The following LRRC49 variants were observed in gnomAD, a reference collection of about 807,000 sequenced individuals.
LRRC49 encodes leucine-rich repeat-containing protein 49.
A neutral mutation model predicts 83.3 loss-of-function variants in LRRC49; 50 were observed. The observed-to-expected ratio is 0.60, with a 90% CI of 0.48 to 0.76. The LOEUF (loss-of-function observed/expected upper bound fraction) is 0.76. Ranked by LOEUF, LRRC49 falls within the 30% of genes least tolerant of loss-of-function variation. The pLI is 0.00. For missense variants in LRRC49, 704 were observed against 809.1 expected (o/e 0.87, Z 1.58); for synonymous variants, 286 against 283.3 (o/e 1.01, Z -0.10).
At chr15:70,990,134 G>C (rs924471298) in intron 11 of LRRC49, among the ~76,000 whole-genome samples, 1 of 152,176 alleles carries the variant, frequency 6.6e-6, no homozygotes, top group Non-Finnish European at 1.5e-5. Flanking sequence ...CTCCAGCTGC[G>C]TGCTGGGAGA....
chr15:70,855,205 C>G (rs568147620), intron 1 of LRRC49, among the ~76,000 whole-genome samples: 1 of 152,018 alleles, frequency 6.6e-6, no homozygotes, highest in East Asian at 1.9e-4. Flanking sequence ...CGTGGTGGCA[C>G]GTGCCTGTAA....
chr15:70,981,789 C>T (rs1450629930), intron 10 of LRRC49, among the ~76,000 whole-genome samples: 2 of 152,016 alleles, frequency 1.3e-5, no homozygotes, highest in African/African-American at 2.4e-5. Flanking sequence ...ACATAATTGT[C>T]GCTGATATCC....
intron 14 of LRRC49, among the ~76,000 whole-genome samples, chr15:71,016,012 T>A (rs961031050): frequency 2.0e-4 from 30 of 152,292 alleles, no homozygotes; most frequent in African/African-American, 7.0e-4. Flanking sequence ...AGAACAATTG[T>A]ATAGTATGCT....
intron 7 of LRRC49, among the ~76,000 whole-genome samples, chr15:70,932,176 T>C (rs2035432139): frequency 6.6e-6 from 1 of 152,190 alleles, no homozygotes; most frequent in African/African-American, 2.4e-5. Flanking sequence ...AGTAAACAAG[T>C]ACAAAAACCA....
chr15:70,856,637 G>C (rs569572207), intron 1 of LRRC49, among the ~76,000 whole-genome samples: 1 of 152,198 alleles, frequency 6.6e-6, no homozygotes, highest in African/African-American at 2.4e-5. Context: ...TTAGAATAAT[G>C]CCTAGAGGAG....
chr15:70,963,857 T>C lies in LRRC49; in HGVS notation c.846T>C (p.Ala282=), dbSNP rs1178725334. The part of the protein sequence containing the change: ...SDITFDGNPI[A]QESWYKHTVL... ...TCACCTTTGATGGCAATCCCATAGC[T>C]CAAGAGTCATGGTACAAACACACTG... The change falls in exon 9 of 16, where the codon GCT becomes GCC. Residue 282 remains alanine (A), a synonymous_variant. Coordinates refer to ENST00000260382, the MANE Select transcript of LRRC49 (RefSeq NM_017691.5). 1 of 1,613,638 alleles carries C rather than the reference T, an allele frequency of 6.2e-7. No homozygotes were observed. Among genetic ancestry groups the C allele is most frequent in the Non-Finnish European group, 8.5e-7 (1 of 1,179,652 alleles).
chr15:70,942,033 A>ATTTGTG lies in LRRC49; in HGVS notation c.773+5212_773+5213insTTGTGT, dbSNP rs1340541101. ...CTCCATTTTTATTACTGTAAAGGTT[A>ATTTGTG]TGTGTGTGTGTGTGTGTGTGTGTGT... On this transcript the variant is annotated intron_variant, in intron 8 of 15. Coordinates refer to ENST00000260382, the MANE Select transcript of LRRC49 (RefSeq NM_017691.5). 1.8e-3 allele frequency among the ~76,000 whole-genome samples: 257 copies of ATTTGTG among 144,186 alleles called. 1 individual carries two copies. Among genetic ancestry groups the ATTTGTG allele is most frequent in the African/African-American group, 6.4e-3 (250 of 38,780 alleles). 94.6% of individuals were successfully genotyped at this position (144,186 alleles called of 152,430 possible).
chr15:70,892,052 C>G, upstream of LRRC49: 1 of 1,613,682 alleles, frequency 6.2e-7, no homozygotes, highest in Non-Finnish European at 8.5e-7. Context: ...CTGGGAGAAG[C>G]GCAGGTTCTT....
At chr15:70,893,497 T>A (rs1395287148) in intron 1 of LRRC49, 87 bp from the exon 2 acceptor site, 11 of 775,712 alleles carry the variant, frequency 1.4e-5, no homozygotes, top group Non-Finnish European at 2.0e-5. Flanking sequence ...ATTTTTTTGT[T>A]GTATTTCTGT....
chr15:71,018,062 G>C (rs937372060), intron 14 of LRRC49, among the ~76,000 whole-genome samples: 3 of 152,096 alleles, frequency 2.0e-5, no homozygotes, highest in South Asian at 2.1e-4. Context: ...AGGAGGAGGA[G>C]GAGGGGGAGA....
At chr15:70,988,389 A>T (rs1390498515) in intron 11 of LRRC49, among the ~76,000 whole-genome samples, 6 of 148,176 alleles carry the variant, frequency 4.0e-5, no homozygotes, top group African/African-American at 1.5e-4. Flanking sequence ...ACCATTATGT[A>T]ATGGCCTTCT....
intron 14 of LRRC49, among the ~76,000 whole-genome samples, chr15:71,020,654 ATAAT>A (rs1252136159): frequency 1.3e-5 from 2 of 152,206 alleles, no homozygotes; most frequent in African/African-American, 4.8e-5. Context: ...AGAAGATAGG[ATAAT>A]GAATGATATG....
At chr15:70,865,739 T>C (rs1288511620) in intron 1 of LRRC49, among the ~76,000 whole-genome samples, 1 of 152,212 alleles carries the variant, frequency 6.6e-6, no homozygotes, top group Non-Finnish European at 1.5e-5. Flanking sequence ...CCTACCTGTC[T>C]GGTTTTTTGA....
chr15:70,879,254 A>C (rs972076023), intron 2 of LRRC49, among the ~76,000 whole-genome samples: 2 of 152,022 alleles, frequency 1.3e-5, no homozygotes, highest in Admixed American at 6.5e-5. Flanking sequence ...TCTCTTCATT[A>C]TGACTACATT....
At chr15:71,031,726 A>G (rs1002378875) in intron 14 of LRRC49, among the ~76,000 whole-genome samples, 14 of 152,148 alleles carry the variant, frequency 9.2e-5, no homozygotes, top group Admixed American at 9.2e-4. Flanking sequence ...GGAGGAATCT[A>G]GAGAAGCAGT....
intron 14 of LRRC49, among the ~76,000 whole-genome samples, chr15:71,029,034 C>T (rs551001994): frequency 4.1e-4 from 62 of 151,998 alleles, no homozygotes; most frequent in South Asian, 2.1e-3. Context: ...TTAATTGTAA[C>T]GTTAGGGTGT....
At chr15:70,959,590 GAA>G (rs1212116245) in intron 8 of LRRC49, among the ~76,000 whole-genome samples, 66 of 136,106 alleles carry the variant, frequency 4.8e-4, no homozygotes, top group African/African-American at 9.6e-4. Flanking sequence ...AGGAAGGAAG[GAA>G]GGAAGGAAGG....
chr15:70,930,536 A>G (rs2035368282), intron 7 of LRRC49, among the ~76,000 whole-genome samples: 1 of 152,250 alleles, frequency 6.6e-6, no homozygotes, highest in Non-Finnish European at 1.5e-5. Flanking sequence ...CAACTTTGTT[A>G]GCTCCTAACG....
intron 7 of LRRC49, among the ~76,000 whole-genome samples, chr15:70,927,625 A>C (rs2035251979): frequency 6.6e-6 from 1 of 152,048 alleles, no homozygotes; most frequent in South Asian, 2.1e-4. Context: ...CTATTTAGAT[A>C]TGTGATTCAT....
Sources: allele counts gnomAD v4.1 joint callset (sites outside exome capture counted in the v4.1 genomes callset), GRCh38; gene constraint gnomAD v4.1.1; transcripts MANE v1.5; gene names NCBI Gene and HGNC (gene_info 2026-07-23, HGNC 2026-07-21).